Variants in LRP1B observed in about 807,000 individuals in gnomAD.
LRP1B encodes the protein low-density lipoprotein receptor-related protein 1B.
In LRP1B, 217 loss-of-function variants were observed where a neutral mutation model predicts 556.6. The observed-to-expected ratio is 0.39, with a 90% CI of 0.35 to 0.44. The LOEUF is 0.44. Among genes scored for constraint, LRP1B ranks in the 20% least tolerant of loss-of-function variants. The pLI, the probability that LRP1B is intolerant of heterozygous loss-of-function variation, is 1.00. For missense variants in LRP1B, 5,053 were observed against 5,620.8 expected (o/e 0.90, Z 3.23); for synonymous variants, 2,047 against 1,865.8 (o/e 1.10, Z -2.50).
chr2:141,853,445 GTA>G, intron 1 of LRP1B, among the ~76,000 whole-genome samples: 1 of 151,616 alleles, frequency 6.6e-6, no homozygotes, highest in South Asian at 2.1e-4. Context: ...TGAATGTTTT[GTA>G]TATTTTCAAG....
intron 2 of LRP1B, among the ~76,000 whole-genome samples, chr2:141,701,764 C>T (rs764177172): frequency 2.0e-4 from 30 of 151,736 alleles, no homozygotes; most frequent in Non-Finnish European, 3.4e-4. Context: ...TAAACTAACA[C>T]GGGAAGTTGA....
At chr2:141,166,671 T>C (rs1247048805) in intron 7 of LRP1B, among the ~76,000 whole-genome samples, 2 of 151,692 alleles carry the variant, frequency 1.3e-5, no homozygotes, top group Non-Finnish European at 2.9e-5. Flanking sequence ...CCATCCCCAC[T>C]TCCCCCTCCC....
chr2:140,769,097 G>T, intron 35 of LRP1B, 116 bp downstream of exon 35: 2 of 930,186 alleles, frequency 2.2e-6, no homozygotes, highest in Non-Finnish European at 3.2e-6. Context: ...TCTATTTGCT[G>T]CTTTCTTATT....
At chr2:140,550,993 C>T (rs1473860458) in intron 43 of LRP1B, among the ~76,000 whole-genome samples, 1 of 152,076 alleles carries the variant, frequency 6.6e-6, no homozygotes, top group Non-Finnish European at 1.5e-5. Context: ...AGCCCTTTCT[C>T]TCTGTCATGT....
intron 3 of LRP1B, among the ~76,000 whole-genome samples, chr2:141,262,164 CT>C (rs1396756876): frequency 1.3e-5 from 2 of 151,590 alleles, no homozygotes; most frequent in African/African-American, 4.8e-5. Context: ...TTTCATTGTG[CT>C]TATTAGCTAG....
At chr2:142,058,460 A>G (rs1704760401) in intron 1 of LRP1B, among the ~76,000 whole-genome samples, 1 of 152,128 alleles carries the variant, frequency 6.6e-6, no homozygotes, top group Admixed American at 6.6e-5. Flanking sequence ...TGTGCAACCC[A>G]TGACCCAAGG....
At chr2:140,621,191 C>G (rs1340810840) in intron 41 of LRP1B, among the ~76,000 whole-genome samples, 1 of 151,042 alleles carries the variant, frequency 6.6e-6, no homozygotes, top group Non-Finnish European at 1.5e-5. Context: ...ACCATCCTGG[C>G]TAACACGGTG....
intron 29 of LRP1B, among the ~76,000 whole-genome samples, chr2:140,845,533 A>G (rs1692249443): frequency 6.6e-6 from 1 of 152,070 alleles, no homozygotes; most frequent in Non-Finnish European, 1.5e-5. Context: ...GAAATGAGAT[A>G]TACGAGAACA....
intron 17 of LRP1B, among the ~76,000 whole-genome samples, chr2:140,983,857 A>G (rs1696843318): frequency 6.6e-6 from 1 of 152,018 alleles, no homozygotes; most frequent in Non-Finnish European, 1.5e-5. Context: ...TTTATTTTAA[A>G]TTAACAGATT....
At position 141,058,882 on chromosome 2, in the gene LRP1B, C is replaced by T. The variant is rs2105462480; in HGVS notation, c.1408+1G>A. 1 of 1,581,628 alleles carries T rather than the reference C, an allele frequency of 6.3e-7. No homozygotes were observed. On this transcript the variant is annotated splice_donor_variant, in intron 9 of 90. Transcript: ENST00000389484. LOFTEE classifies it high-confidence loss of function. ...GGTAATAAAGAAGCTTTCCCACTTA[C>T]CTGTTGGTTGAGTTCTTTTTTGATA...
In LRP1B at chr2:140,601,106, T is replaced by C. The variant is rs1422536185; in HGVS notation, c.6989+344A>G. ...AATGCAAAAAAAAAAAAAACACTCT[T>C]AGTCTTCCGTGTATGTTAATTTTTT... On this transcript the variant is annotated intron_variant, in intron 42 of 90. Coordinates refer to ENST00000389484, the MANE Select transcript of LRP1B (RefSeq NM_018557.3). Among the ~76,000 whole-genome samples the C allele has an allele frequency of 2.0e-5, 3 of 151,458 alleles. No homozygotes were observed. In the East Asian group the frequency reaches 5.8e-4, roughly 29 times the overall value.
intron 6 of LRP1B, among the ~76,000 whole-genome samples, chr2:141,224,646 A>G (rs1421207287): frequency 1.3e-5 from 2 of 152,194 alleles, no homozygotes; most frequent in Non-Finnish European, 2.9e-5. Context: ...GCCATAAAAA[A>G]GACAGATTAT....
chr2:141,900,592 A>G (rs1699588796), intron 1 of LRP1B, among the ~76,000 whole-genome samples: 1 of 152,000 alleles, frequency 6.6e-6, no homozygotes, highest in African/African-American at 2.4e-5. Context: ...TCATTTACTC[A>G]TTGCCATGCC....
At chr2:141,304,474 C>CTTTTTTTTTTTTTTTTTT (rs1558992761) in intron 3 of LRP1B, among the ~76,000 whole-genome samples, 1 of 105,796 alleles carries the variant, frequency 9.5e-6, no homozygotes, top group African/African-American at 3.3e-5. Flanking sequence ...CAGTTTCATT[C>CTTTTTTTTTTTTTTTTTT]ATTTTTTTTT....
intron 1 of LRP1B, among the ~76,000 whole-genome samples, chr2:142,007,093 T>G (rs775992133): frequency 3.3e-5 from 5 of 152,172 alleles, no homozygotes; most frequent in African/African-American, 9.6e-5. Flanking sequence ...GATTTCACAT[T>G]TCTCTAAAAT....
intron 2 of LRP1B, among the ~76,000 whole-genome samples, chr2:141,779,089 C>G (rs1390956072): frequency 6.6e-6 from 1 of 152,076 alleles, no homozygotes; most frequent in Non-Finnish European, 1.5e-5. Context: ...CCCACTTTTA[C>G]TAAAGAGAAA....
At chr2:141,313,137 C>A (rs761270545) in intron 3 of LRP1B, among the ~76,000 whole-genome samples, 14 of 152,070 alleles carry the variant, frequency 9.2e-5, no homozygotes, top group East Asian at 1.9e-4. Context: ...AAGAAGCTTA[C>A]ACTATTTCTT....
intron 7 of LRP1B, among the ~76,000 whole-genome samples, chr2:141,157,783 G>C (rs550539634): frequency 6.6e-6 from 1 of 152,156 alleles, no homozygotes; most frequent in African/African-American, 2.4e-5. Flanking sequence ...AGCTTATGTA[G>C]GAACTTTTTC....
At chr2:141,745,010 A>T (rs1011301011) in intron 2 of LRP1B, among the ~76,000 whole-genome samples, 1 of 152,184 alleles carries the variant, frequency 6.6e-6, no homozygotes, top group Non-Finnish European at 1.5e-5. Context: ...CAGAGACCCT[A>T]GTTCTTTTCT....
Sources: gnomAD v4.1 joint callset for allele counts (sites outside exome capture counted in the v4.1 genomes callset) on GRCh38, gnomAD v4.1.1 for gene constraint, MANE v1.5 for transcripts, NCBI Gene and HGNC (gene_info 2026-07-23, HGNC 2026-07-21) for gene names.